CCDC178: variants seen among roughly 807,000 people sequenced by gnomAD.
The protein encoded by CCDC178 is coiled-coil domain-containing protein 178.
A neutral mutation model predicts 117.4 loss-of-function variants in CCDC178; 126 were observed. The ratio of observed to expected loss-of-function variants is 1.07; its 90% confidence interval spans 0.93 to 1.24. CCDC178 has a LOEUF of 1.24. Ranked by LOEUF, CCDC178 falls within the 50% of genes most tolerant of loss-of-function variation. The pLI is 0.00. For missense variants in CCDC178, 1,030 were observed against 986.9 expected (o/e 1.04, Z -0.59); for synonymous variants, 283 against 313.4 (o/e 0.90, Z 1.02).
intron 13 of CCDC178, 34 bp from the exon 14 acceptor site, chr18:33,267,086 T>A: frequency 1.3e-6 from 2 of 1,556,882 alleles, no homozygotes; most frequent in South Asian, 1.2e-5. Context: ...CATTCATACA[T>A]GTCTAATTAT....
chr18:33,308,237 C>T (rs923099198), intron 11 of CCDC178, among the ~76,000 whole-genome samples: 1 of 152,224 alleles, frequency 6.6e-6, no homozygotes, highest in Non-Finnish European at 1.5e-5. Flanking sequence ...GAGGCCACCT[C>T]TTGCAACAGC....
chr18:33,351,922 T>A (rs997642870), intron 7 of CCDC178, among the ~76,000 whole-genome samples: 2 of 152,228 alleles, frequency 1.3e-5, no homozygotes, highest in African/African-American at 4.8e-5. Flanking sequence ...TATCATGTTA[T>A]TGCTGGGCTC....
chr18:33,284,496 T>G lies in CCDC178; in HGVS notation c.1176+8663A>C, dbSNP rs368898006. ...AAGAAACATGCCATCAATTACTGTA[T>G]GCATATGATAATATCATTATTCATA... On this transcript the variant is annotated intron_variant, in intron 12 of 22. Coordinates refer to ENST00000383096, the MANE Select transcript of CCDC178 (RefSeq NM_001105528.4). Among the ~76,000 whole-genome samples, 5 of 152,316 alleles carry G rather than the reference T, an allele frequency of 3.3e-5. No individual in the cohort carries two copies. In the East Asian group the frequency reaches 9.6e-4, roughly 29 times the overall value.
chr18:33,044,576 G>A (rs2056608384), intron 21 of CCDC178, among the ~76,000 whole-genome samples: 1 of 151,954 alleles, frequency 6.6e-6, no homozygotes, highest in South Asian at 2.1e-4. Flanking sequence ...CACTCTTGGT[G>A]GGAATGTAAA....
intron 10 of CCDC178, among the ~76,000 whole-genome samples, chr18:33,329,656 T>G (rs551076829): frequency 4.3e-4 from 65 of 152,218 alleles, no homozygotes; most frequent in Non-Finnish European, 8.1e-4. Flanking sequence ...TTGTTCATGA[T>G]GTATAATCTT....
intron 21 of CCDC178, among the ~76,000 whole-genome samples, chr18:33,062,837 C>A (rs894725962): frequency 6.6e-6 from 1 of 152,166 alleles, no homozygotes; most frequent in South Asian, 2.1e-4. Context: ...ACGAGCCTCA[C>A]TGATATCTCC....
chr18:33,031,753 T>C (rs1461461743), intron 21 of CCDC178, among the ~76,000 whole-genome samples: 1 of 152,110 alleles, frequency 6.6e-6, no homozygotes, highest in African/African-American at 2.4e-5. Flanking sequence ...TAAATATGTA[T>C]TTTGTATCCC....
At chr18:33,091,324 CTTTTTTTTTTTTTTT>C (rs746505005) in intron 21 of CCDC178, among the ~76,000 whole-genome samples, 6 of 43,898 alleles carry the variant, frequency 1.4e-4, no homozygotes, top group South Asian at 1.6e-3. Flanking sequence ...TTATTTCATT[CTTTTTTTTTTTTTTT>C]TTTTTTTTTT....
chr18:33,201,912 T>C (rs148567344), intron 20 of CCDC178, among the ~76,000 whole-genome samples: 118 of 152,244 alleles, frequency 7.8e-4, no homozygotes, highest in Middle Eastern at 3.4e-3. Context: ...TGAGAAACAA[T>C]AATGTATTGA....
chr18:33,085,254 G>A (rs993039398), intron 21 of CCDC178, among the ~76,000 whole-genome samples: 2 of 152,130 alleles, frequency 1.3e-5, no homozygotes, highest in African/African-American at 4.8e-5. Flanking sequence ...ACTGTTCTAG[G>A]TGCTTTATAT....
At chr18:33,047,886 A>T (rs1321562780) in intron 21 of CCDC178, among the ~76,000 whole-genome samples, 2 of 152,214 alleles carry the variant, frequency 1.3e-5, no homozygotes, top group Non-Finnish European at 2.9e-5. Flanking sequence ...TACCCTCTAA[A>T]CATAAAAGAT....
chr18:33,362,476 A>G (rs1232747583), intron 6 of CCDC178, among the ~76,000 whole-genome samples: 1 of 151,876 alleles, frequency 6.6e-6, no homozygotes, highest in Non-Finnish European at 1.5e-5. Flanking sequence ...ACGTCTAGAG[A>G]TCTAATGTAA....
chr18:32,975,332 C>T (rs188600806), intron 21 of CCDC178, among the ~76,000 whole-genome samples: 69 of 152,120 alleles, frequency 4.5e-4, no homozygotes, highest in African/African-American at 1.6e-3. Context: ...ATAGTGGATG[C>T]GGTGTTAAGA....
At chr18:33,422,783 A>G (rs2064046139) in intron 2 of CCDC178, among the ~76,000 whole-genome samples, 1 of 152,220 alleles carries the variant, frequency 6.6e-6, no homozygotes. Context: ...CACACGAATG[A>G]ATGAAATACC....
chr18:33,133,658 A>T (rs909952998), intron 20 of CCDC178, among the ~76,000 whole-genome samples: 6 of 151,946 alleles, frequency 3.9e-5, no homozygotes, highest in African/African-American at 9.7e-5. Context: ...TAGACAACTC[A>T]TGAAGTCTTC....
chr18:33,314,726 G>A (rs968398491), intron 11 of CCDC178, among the ~76,000 whole-genome samples: 1 of 152,240 alleles, frequency 6.6e-6, no homozygotes, highest in East Asian at 1.9e-4. Flanking sequence ...AGATGGGGGA[G>A]ACCACAAGAT....
intron 21 of CCDC178, among the ~76,000 whole-genome samples, chr18:33,017,049 G>T (rs1478109242): frequency 6.6e-6 from 1 of 151,668 alleles, no homozygotes; most frequent in African/African-American, 2.4e-5. Context: ...TCAAGAAAAA[G>T]ACAATAAATA....
At chr18:33,043,093 G>T (rs956088573) in intron 21 of CCDC178, among the ~76,000 whole-genome samples, 24 of 151,970 alleles carry the variant, frequency 1.6e-4, no homozygotes, top group African/African-American at 5.8e-4. Context: ...AATACTGAAT[G>T]AATATTGCTA....
intron 20 of CCDC178, among the ~76,000 whole-genome samples, chr18:33,184,750 A>G (rs529920123): frequency 3.3e-5 from 5 of 152,052 alleles, no homozygotes; most frequent in Admixed American, 6.6e-5. Context: ...CACATTCTGT[A>G]ATAGTGAAGT....
Sources: gnomAD v4.1 joint callset for allele counts (sites outside exome capture counted in the v4.1 genomes callset) on GRCh38, gnomAD v4.1.1 for gene constraint, MANE v1.5 for transcripts, NCBI Gene and HGNC (gene_info 2026-07-23, HGNC 2026-07-21) for gene names.